PLCE1: variants seen among roughly 807,000 people sequenced by gnomAD.
The protein encoded by PLCE1 is phospholipase C epsilon 1.
Under a neutral mutation model 242.8 loss-of-function variants are expected in PLCE1, and 119 were observed. The ratio of observed to expected loss-of-function variants is 0.49; its 90% confidence interval spans 0.42 to 0.57. The LOEUF (loss-of-function observed/expected upper bound fraction) is 0.57. PLCE1 is among the 20% of genes least tolerant of loss of function. PLCE1 has a pLI of 0.00. For missense variants in PLCE1, 2,441 were observed against 2,788.8 expected, an observed-to-expected ratio of 0.88 and a Z score of 2.81; for synonymous variants, 945 against 1,017.4, an observed-to-expected ratio of 0.93 and a Z score of 1.35.
chr10:94,323,473 T>C (rs1331208699), intron 30 of PLCE1, among the ~76,000 whole-genome samples: 2 of 152,222 alleles, frequency 1.3e-5, no homozygotes, highest in African/African-American at 4.8e-5. Flanking sequence ...ATTTCTTTTG[T>C]GTAAATGCCC....
chr10:94,046,401 C>G (rs12257511), intron 2 of PLCE1, among the ~76,000 whole-genome samples: 49,180 of 152,140 alleles, frequency 0.32, 8,690 homozygotes, highest in African/African-American at 0.47. Context: ...CCAGTATGGT[C>G]TGGGCTGCAA....
Position 94,298,855 on chromosome 10 carries a change from G to A in PLCE1, c.5458+186G>A, listed in dbSNP as rs1306414982. Among the ~76,000 whole-genome samples, 1 of 152,178 alleles carries A rather than the reference G, an allele frequency of 6.6e-6. No individual in the cohort carries two copies. The highest frequency in any genetic ancestry group is 1.5e-5 in the Non-Finnish European group (1 of 68,044). ...TGTGCCTCCGATGTTTCAGATTAAG[G>A]TGATAGAAAAGAATCTTGAAGGGGC... On this transcript the variant is annotated intron_variant, in intron 24 of 32. Coordinates refer to ENST00000371380, the MANE Select transcript of PLCE1 (RefSeq NM_016341.4). The surrounding 1 kb of genome is among the most constrained non-coding windows in gnomAD (Gnocchi z 5.2).
chr10:94,245,580 G>A (rs1564823542), intron 7 of PLCE1, among the ~76,000 whole-genome samples: 2 of 152,086 alleles, frequency 1.3e-5, no homozygotes, highest in South Asian at 2.1e-4. Flanking sequence ...TCCGCCTCCC[G>A]GGTTCAAGCA....
intron 2 of PLCE1, among the ~76,000 whole-genome samples, chr10:94,079,596 A>C (rs1253908684): frequency 6.6e-6 from 1 of 152,224 alleles, no homozygotes; most frequent in Non-Finnish European, 1.5e-5. Flanking sequence ...CTTAAAGTAT[A>C]ATTTAAAAAA....
intron 2 of PLCE1, among the ~76,000 whole-genome samples, chr10:94,126,431 A>G (rs2046438476): frequency 1.3e-5 from 2 of 152,154 alleles, no homozygotes; most frequent in South Asian, 4.1e-4. Flanking sequence ...ATTTTTTACT[A>G]ATTTATTTGG....
In PLCE1 at chr10:94,270,498, G is replaced by A; in HGVS notation, c.4402G>A (p.Ala1468Thr). Reference protein sequence around the residue: ...TKIPFKEVVEAIDRSAFINSD... With the variant: ...TKIPFKEVVETIDRSAFINSD... ...TTGGCTCTCATAGGAAGTGGTTGAAGCCATTGATCGCAGTGCCTTCATCAA... is the reference window on the plus strand; with the variant it reads ...TTGGCTCTCATAGGAAGTGGTTGAAACCATTGATCGCAGTGCCTTCATCAA... Residue 1468 changes from alanine (A) to threonine (T), a missense_variant, in exon 18 of 33, where the codon GCC becomes ACC. Transcript: ENST00000371380. 6.2e-7 allele frequency: 1 copy of A among 1,612,152 alleles called. No homozygotes were observed. Among genetic ancestry groups the A allele is most frequent in the South Asian group, 1.1e-5 (1 of 91,036 alleles).
intron 2 of PLCE1, among the ~76,000 whole-genome samples, chr10:94,077,966 A>G (rs1023233288): frequency 6.6e-6 from 1 of 152,242 alleles, no homozygotes; most frequent in African/African-American, 2.4e-5. Context: ...ACCTAAAAAC[A>G]AAGTTTAAAA....
intron 1 of PLCE1, among the ~76,000 whole-genome samples, chr10:94,007,476 A>C (rs2061060595): frequency 1.3e-5 from 2 of 152,166 alleles, no homozygotes; most frequent in African/African-American, 4.8e-5. Flanking sequence ...AACTTGTTAA[A>C]GCAAAGTTCT....
intron 27 of PLCE1, 102 bp from the exon 28 acceptor site, chr10:94,313,152 A>G (rs1187050346): frequency 2.2e-6 from 3 of 1,372,810 alleles, no homozygotes; most frequent in African/African-American, 2.8e-5. Context: ...TTGCATTTAC[A>G]TGTTCCTATC....
At chr10:94,323,308 A>C (rs2053889134) in intron 30 of PLCE1, among the ~76,000 whole-genome samples, 1 of 152,218 alleles carries the variant, frequency 6.6e-6, no homozygotes, top group Non-Finnish European at 1.5e-5. Flanking sequence ...CATACAACAC[A>C]ACAATTAAGA....
At chr10:94,289,285 G>A (rs1229908909) in intron 22 of PLCE1, among the ~76,000 whole-genome samples, 1 of 152,178 alleles carries the variant, frequency 6.6e-6, no homozygotes, top group Non-Finnish European at 1.5e-5. Flanking sequence ...AAAAGTAGCC[G>A]TGTGACCCTG....
At chr10:94,260,403 C>T (rs1194889390) in intron 13 of PLCE1, among the ~76,000 whole-genome samples, 1 of 152,180 alleles carries the variant, frequency 6.6e-6, no homozygotes, top group Admixed American at 6.5e-5. Context: ...CATTTTCCTC[C>T]TCTGTTCTTC....
In PLCE1 at chr10:94,060,173, G is replaced by GT. The variant is rs753807448; in HGVS notation, c.1206+27933dup. On this transcript the variant is annotated intron_variant, in intron 2 of 32. Transcript: ENST00000371380. ...CTTGCTACATGCTGGTCTTGGTCAA[G>GT]TTTTTTTTTTTTGTCTAAGCTTCTG... 4.0e-3 allele frequency among the ~76,000 whole-genome samples: 580 copies of GT among 144,354 alleles called. 1 individual carries two copies. The highest frequency in any genetic ancestry group is 4.8e-3 in the African/African-American group (191 of 39,672). The allele number at this position is 144,354 out of a possible 152,430, so 94.7% of individuals were successfully genotyped here. A position where few individuals can be genotyped will look rare whatever the true frequency, so the allele number is the denominator to read the frequency against.
In PLCE1 at chr10:94,329,788, A is replaced by AC. The variant is rs2054135876; in HGVS notation, c.*1845_*1846insC. 1 of 123,226 alleles carries AC rather than the reference A, an allele frequency of 8.1e-6. No individual in the cohort carries two copies. Among genetic ancestry groups the AC allele is most frequent in the African/African-American group, 3.0e-5 (1 of 33,290 alleles). 7.6% of individuals were successfully genotyped at this position (123,226 alleles called of 1,614,324 possible). A position where few individuals can be genotyped will look rare whatever the true frequency, so the allele number is the denominator to read the frequency against. ...CGAGACTCCGTCTCAAAAAAAAAAA[A>AC]AAAAAAAAAAAAAAAAAAAAAAACA... On this transcript the variant is annotated 3_prime_UTR_variant, in exon 33 of 33. Transcript: ENST00000371380.
In PLCE1 at chr10:94,094,777, T is replaced by A. The variant is rs555050631; in HGVS notation, c.1207-37397T>A. The A allele has an allele frequency of 7.2e-5, 11 of 152,306 alleles. No individual in the cohort carries two copies. In the East Asian group the frequency reaches 2.1e-3, roughly 29 times the overall value. The allele number at this position is 152,306 out of a possible 1,614,324, so 9.4% of individuals were successfully genotyped here. On this transcript the variant is annotated intron_variant, in intron 2 of 32. Transcript: ENST00000371380. The stretch of plus-strand genomic sequence containing the variant: ...CTTTCAGAGGCTGTGCTCATGCACG[T>A]AGCTGCCACTAGATGAGGAGTGATG...
intron 22 of PLCE1, among the ~76,000 whole-genome samples, chr10:94,291,561 G>A (rs1021020688): frequency 6.6e-6 from 1 of 152,094 alleles, no homozygotes; most frequent in African/African-American, 2.4e-5. Context: ...TAGCTGCTCT[G>A]CACCTGGGAT....
rs36054579 is a variant in PLCE1 at position 94,331,869 on chromosome 10, CT to C, written c.*3946del. On this transcript the variant is annotated 3_prime_UTR_variant, in exon 33 of 33. Coordinates refer to ENST00000371380, the MANE Select transcript of PLCE1 (RefSeq NM_016341.4). Reference sequence around the variant, plus strand: ...GAGTCTCTATGATTACCAAGTTATTCTTTTTTTTTTTTTTTTTTTTGAGGCA... The same window carrying C: ...GAGTCTCTATGATTACCAAGTTATTCTTTTTTTTTTTTTTTTTTTGAGGCA... 0.31 allele frequency: 36,648 copies of C among 119,082 alleles called. 4,366 individuals are homozygous for C. Among genetic ancestry groups the C allele is most frequent in the Admixed American group, 0.39 (4,351 of 11,022 alleles). 7.4% of individuals were successfully genotyped at this position (119,082 alleles called of 1,614,324 possible).
intron 3 of PLCE1, among the ~76,000 whole-genome samples, chr10:94,141,569 CTAAGGGAAGG>C (rs2046961330): frequency 1.2e-5 from 1 of 84,742 alleles, no homozygotes; most frequent in Non-Finnish European, 2.3e-5. Context: ...GAAGGGAAGG[CTAAGGGAAGG>C]TGAAGGGAAG....
At chr10:94,063,878 A>G (rs2044128535) in intron 2 of PLCE1, among the ~76,000 whole-genome samples, 1 of 152,124 alleles carries the variant, frequency 6.6e-6, no homozygotes, top group Non-Finnish European at 1.5e-5. Context: ...AGGGTGGAGA[A>G]GAAGGAAGAG....
Sources: gnomAD v4.1 joint callset for allele counts (sites outside exome capture counted in the v4.1 genomes callset) on GRCh38, gnomAD v4.1.1 for gene constraint, Gnocchi (gnomAD v3.1) non-coding constraint, MANE v1.5 for transcripts, NCBI Gene and HGNC (gene_info 2026-07-23, HGNC 2026-07-21) for gene names.